Variants in SPAG17 observed in about 807,000 individuals in gnomAD.
SPAG17 encodes the protein sperm-associated antigen 17.
A neutral mutation model predicts 273.6 loss-of-function variants in SPAG17; 169 were observed. The observed-to-expected ratio is 0.62, with a 90% CI of 0.55 to 0.70. SPAG17 has a LOEUF of 0.70. Ranked by LOEUF, SPAG17 falls within the 30% of genes least tolerant of loss-of-function variation. The pLI, the probability that SPAG17 is intolerant of heterozygous loss-of-function variation, is 0.00. For synonymous variants in SPAG17, 825 were observed against 873.2 expected, an observed-to-expected ratio of 0.94 and a Z score of 0.97; for missense variants, 2,557 against 2,627.8, an observed-to-expected ratio of 0.97 and a Z score of 0.59.
At chr1:118,009,877 A>C (rs1659292645) in intron 30 of SPAG17, among the ~76,000 whole-genome samples, 1 of 152,112 alleles carries the variant, frequency 6.6e-6, no homozygotes, top group Non-Finnish European at 1.5e-5. Context: ...AAAATAAAGA[A>C]AATAAAGTAA....
At position 117,981,362 on chromosome 1, in the gene SPAG17, C is replaced by T. The variant is rs752212876; in HGVS notation, c.5912G>A (p.Ser1971Asn). ...PHKVSEQKSS[S>N]VPSLPKPEIS... is the part of the protein sequence containing the mutation. ...CTCTGGTTTTGGAAGACTAGGCACA[C>T]TTGAGGATTTCTGTTCTGAAACCTT... Residue 1971 changes from serine (S) to asparagine (N), a missense_variant, in exon 43 of 49, where the codon AGT becomes AAT. Transcript: ENST00000336338. The T allele has an allele frequency of 2.7e-5, 44 of 1,603,112 alleles. No individual in the cohort carries two copies. The highest frequency in any genetic ancestry group is 3.4e-5 in the Non-Finnish European group (40 of 1,177,548).
At chr1:118,086,486 G>T (rs991679567) in intron 12 of SPAG17, among the ~76,000 whole-genome samples, 185 bp downstream of exon 12, 3 of 152,076 alleles carry the variant, frequency 2.0e-5, no homozygotes, top group Non-Finnish European at 4.4e-5. Context: ...AATTTCCTCG[G>T]CTGACATCAT....
chr1:118,045,538 T>C (rs1391005767), intron 20 of SPAG17, among the ~76,000 whole-genome samples: 1 of 152,262 alleles, frequency 6.6e-6, no homozygotes, highest in East Asian at 1.9e-4. Flanking sequence ...TTTATCTGGC[T>C]GTTCATTTGT....
intron 1 of SPAG17, among the ~76,000 whole-genome samples, chr1:118,152,447 C>T (rs1186236208): frequency 6.6e-6 from 1 of 152,044 alleles, no homozygotes; most frequent in East Asian, 1.9e-4. Context: ...AGGTTGACGA[C>T]AAAACTAGGG....
intron 23 of SPAG17, among the ~76,000 whole-genome samples, chr1:118,037,256 T>C (rs1287304957): frequency 6.6e-6 from 1 of 152,236 alleles, no homozygotes; most frequent in African/African-American, 2.4e-5. Context: ...ACTTAAACTT[T>C]TTTACATTTT....
intron 3 of SPAG17, among the ~76,000 whole-genome samples, chr1:118,148,002 A>G (rs2102340491): frequency 6.6e-6 from 1 of 152,332 alleles, no homozygotes; most frequent in South Asian, 2.1e-4. Context: ...AGAGTACCCT[A>G]CAAGTAGAAG....
At chr1:117,989,416 A>G (rs1656815401) in intron 38 of SPAG17, among the ~76,000 whole-genome samples, 1 of 151,704 alleles carries the variant, frequency 6.6e-6, no homozygotes, top group Admixed American at 6.6e-5. Flanking sequence ...GTGATGCCAG[A>G]CTCATTTTAC....
At chr1:118,058,234 G>A (rs954432303) in intron 18 of SPAG17, among the ~76,000 whole-genome samples, 8 of 151,980 alleles carry the variant, frequency 5.3e-5, no homozygotes, top group Non-Finnish European at 1.0e-4. Flanking sequence ...TTTTGACAAG[G>A]TCTTGCTCTG....
At chr1:118,134,861 C>T (rs1658250385) in intron 3 of SPAG17, among the ~76,000 whole-genome samples, 2 of 152,164 alleles carry the variant, frequency 1.3e-5, no homozygotes, top group African/African-American at 2.4e-5. Context: ...AATTCCTCTC[C>T]TCCTTCATGA....
chr1:118,045,864 T>G (rs1650290474), intron 20 of SPAG17, among the ~76,000 whole-genome samples: 1 of 152,130 alleles, frequency 6.6e-6, no homozygotes, highest in East Asian at 1.9e-4. Context: ...ATTCAGTCGG[T>G]GTGGGGAAAA....
Position 118,012,360 on chromosome 1 carries a change from G to C in SPAG17, c.4300C>G (p.Arg1434Gly), listed in dbSNP as rs375014476. 6.2e-7 allele frequency: 1 copy of C among 1,612,780 alleles called. No homozygotes were observed. The highest frequency in any genetic ancestry group is 8.5e-7 in the Non-Finnish European group (1 of 1,179,276). Residue 1434 changes from arginine to glycine, a missense_variant, in exon 30 of 49, where the codon CGA becomes GGA. Physicochemically the swap from Arg to Gly is moderately radical, Grantham distance 125. Coordinates refer to ENST00000336338, the MANE Select transcript of SPAG17 (RefSeq NM_206996.4). ...DPVNGTVMTT[R>G]EDKVVIVERK... is the part of the protein sequence containing the mutation. ...TCAACTATGACAACTTTGTCTTCTC[G>C]AGTTGTCATAACCTGAACATGAAGA...
intron 42 of SPAG17, among the ~76,000 whole-genome samples, chr1:117,982,181 A>G (rs1655900878): frequency 6.6e-6 from 1 of 151,888 alleles, no homozygotes; most frequent in African/African-American, 2.4e-5. Context: ...GTATGCGTTC[A>G]TTATAGACAG....
intron 17 of SPAG17, among the ~76,000 whole-genome samples, chr1:118,067,272 T>A (rs1194292082): frequency 1.3e-5 from 2 of 152,184 alleles, no homozygotes; most frequent in East Asian, 3.9e-4. Flanking sequence ...CATAAATAGA[T>A]GCTATGAATT....
At chr1:118,142,748 C>T (rs185613430) in intron 3 of SPAG17, among the ~76,000 whole-genome samples, 5 of 152,084 alleles carry the variant, frequency 3.3e-5, no homozygotes, top group East Asian at 1.9e-4. Context: ...TTATGTAACT[C>T]GTGCAAGATT....
Position 118,031,801 on chromosome 1 carries a change from G to A in SPAG17, c.3500C>T (p.Pro1167Leu), listed in dbSNP as rs761217582. ...GCTTTGAGGAACGGTCACTATAACA[G>A]GAACCACTGTTGGAGTGAGTGCTGA... ...IPSALTPTVV[P>L]VIVTVPQSKA... is the part of the protein sequence containing the mutation. Residue 1167 changes from proline to leucine, a missense_variant, in exon 25 of 49, where the codon CCT becomes CTT. Pro to Leu is a moderately conservative substitution (Grantham distance 98, BLOSUM62 -3). Coordinates refer to ENST00000336338, the MANE Select transcript of SPAG17 (RefSeq NM_206996.4). 1.2e-6 allele frequency: 2 copies of A among 1,613,742 alleles called. No homozygotes were observed.
At chr1:118,094,192 G>A (rs1558008582) in intron 7 of SPAG17, among the ~76,000 whole-genome samples, 1 of 152,186 alleles carries the variant, frequency 6.6e-6, no homozygotes, top group Non-Finnish European at 1.5e-5. Flanking sequence ...CTTCAGTCAA[G>A]CTTCAATCTG....
At chr1:118,130,955 C>A (rs1341937051) in intron 3 of SPAG17, among the ~76,000 whole-genome samples, 1 of 152,196 alleles carries the variant, frequency 6.6e-6, no homozygotes, top group Admixed American at 6.5e-5. Context: ...CTCTTCCAGC[C>A]AATGTGATGT....
At chr1:118,020,844 G>A (rs888876414) in intron 28 of SPAG17, among the ~76,000 whole-genome samples, 100 of 152,164 alleles carry the variant, frequency 6.6e-4, no homozygotes, top group African/African-American at 2.3e-3. Context: ...AGAATCAAAA[G>A]AATAGTAATA....
chr1:118,101,006 T>C (rs993887376), intron 5 of SPAG17, among the ~76,000 whole-genome samples: 1 of 152,192 alleles, frequency 6.6e-6, no homozygotes, highest in African/African-American at 2.4e-5. Flanking sequence ...TATGTCTGAC[T>C]TTCCTATATG....
Sources: allele counts gnomAD v4.1 joint callset (sites outside exome capture counted in the v4.1 genomes callset), GRCh38; gene constraint gnomAD v4.1.1; transcripts MANE v1.5; gene names NCBI Gene and HGNC (gene_info 2026-07-23, HGNC 2026-07-21).